Variants in OPRM1 observed in about 807,000 individuals in gnomAD.
OPRM1 encodes opioid receptor mu 1, also known as mu-type opioid receptor.
In OPRM1, 27 loss-of-function variants were observed where a neutral mutation model predicts 31.8. The ratio of observed to expected loss-of-function variants is 0.85; its 90% confidence interval spans 0.63 to 1.17. The LOEUF (loss-of-function observed/expected upper bound fraction) is 1.17, where lower values mean the gene tolerates loss of function less well. Ranked by LOEUF, OPRM1 falls within the 50% of genes most tolerant of loss-of-function variation. OPRM1 has a pLI of 0.00. For synonymous variants in OPRM1, 196 were observed against 189.9 expected (o/e 1.03, Z -0.26); for missense variants, 536 against 511.1 (o/e 1.05, Z -0.47).
At position 154,132,218 on chromosome 6, in the gene OPRM1, T is replaced by C. The variant is rs886602268; in HGVS notation, c.*13497T>C. Among the ~76,000 whole-genome samples, 1 of 152,190 alleles carries C rather than the reference T, an allele frequency of 6.6e-6. No homozygotes were observed. The highest frequency in any genetic ancestry group is 1.5e-5 in the Non-Finnish European group (1 of 68,024). On this transcript the variant is annotated 3_prime_UTR_variant, in exon 4 of 4. Coordinates refer to ENST00000330432, the MANE Select transcript of OPRM1 (RefSeq NM_000914.5). Reference sequence around the variant, plus strand: ...TTTGACTGTTTCAGATAGTTGTATATAAAAAATATAAATTTTTGCATTGTA... The same window carrying C: ...TTTGACTGTTTCAGATAGTTGTATACAAAAAATATAAATTTTTGCATTGTA...
upstream of OPRM1, among the ~76,000 whole-genome samples, chr6:154,034,369 C>T (rs1388726950): frequency 2.0e-5 from 3 of 152,108 alleles, no homozygotes; most frequent in Non-Finnish European, 2.9e-5. Context: ...ACGGTGAAAC[C>T]GCGTCTCTAC....
chr6:154,217,112 C>T, intron 3 of OPRM1: 1 of 162,828 alleles, frequency 6.1e-6, no homozygotes, highest in Non-Finnish European at 1.4e-5. Flanking sequence ...TGTACCATTC[C>T]AGCCTTCCAA....
At chr6:154,220,385 C>T (rs1030179915) in intron 3 of OPRM1, among the ~76,000 whole-genome samples, 4 of 152,170 alleles carry the variant, frequency 2.6e-5, no homozygotes, top group African/African-American at 4.8e-5. Context: ...TGACCAGGTG[C>T]GGTGGCTTAC....
At chr6:154,192,317 A>ACT (rs940505636) in intron 3 of OPRM1, among the ~76,000 whole-genome samples, 1 of 47,208 alleles carries the variant, frequency 2.1e-5, no homozygotes, top group Non-Finnish European at 4.1e-5. Flanking sequence ...CCACGTGGTT[A>ACT]CTGTGTGTGT....
chr6:154,144,534 G>C (rs1472845310), intron 3 of OPRM1, among the ~76,000 whole-genome samples: 1 of 152,032 alleles, frequency 6.6e-6, no homozygotes, highest in Non-Finnish European at 1.5e-5. Context: ...ATCACCCGAG[G>C]TCAGGAGTTC....
At chr6:154,100,029 T>TTATC (rs1201098929) in intron 3 of OPRM1, among the ~76,000 whole-genome samples, 56 of 102,240 alleles carry the variant, frequency 5.5e-4, no homozygotes, top group Non-Finnish European at 9.3e-4. Context: ...TAACATATTA[T>TTATC]ATATTATCAT....
intron 3 of OPRM1, among the ~76,000 whole-genome samples, chr6:154,149,801 G>A (rs1462308698): frequency 1.3e-5 from 2 of 152,136 alleles, no homozygotes; most frequent in African/African-American, 4.8e-5. Flanking sequence ...TACTACAGTA[G>A]TTCTGAATAC....
intron 1 of OPRM1, among the ~76,000 whole-genome samples, chr6:154,056,820 G>T (rs2128425772): frequency 6.6e-6 from 1 of 152,196 alleles, no homozygotes; most frequent in East Asian, 1.9e-4. Flanking sequence ...CATTGTGCCT[G>T]CCAAGAAGAA....
chr6:154,101,685 T>C (rs1160942436), intron 3 of OPRM1, among the ~76,000 whole-genome samples: 2 of 152,154 alleles, frequency 1.3e-5, no homozygotes, highest in Non-Finnish European at 2.9e-5. Flanking sequence ...TTCCTATAAA[T>C]GGAGAAATTG....
intron 3 of OPRM1, among the ~76,000 whole-genome samples, chr6:154,100,128 TGA>T (rs1491337950): frequency 1.2e-4 from 4 of 34,734 alleles, no homozygotes; most frequent in Admixed American, 7.4e-4. Flanking sequence ...TATCATATTA[TGA>T]CATATAATAT....
chr6:154,041,423 A>G (rs1780036922), intron 1 of OPRM1, among the ~76,000 whole-genome samples: 1 of 152,208 alleles, frequency 6.6e-6, no homozygotes, highest in African/African-American at 2.4e-5. Context: ...AATAAAAGTT[A>G]TAATTAAAGG....
In OPRM1 at chr6:154,097,623, C is replaced by T. The variant is rs560100053; in HGVS notation, c.1164+6151C>T. Among the ~76,000 whole-genome samples the T allele has an allele frequency of 6.9e-4, 104 of 150,186 alleles. 4 individuals are homozygous for T. The South Asian group carries it at 0.021, about 30-fold the overall frequency. On this transcript the variant is annotated intron_variant, in intron 3 of 3. Coordinates refer to ENST00000330432, the MANE Select transcript of OPRM1 (RefSeq NM_000914.5). ...TGTGTGTGTGTGCGTGTGATATAGG[C>T]ATGTCTCTTTTTGCATGTATGGAAT...
chr6:154,156,828 TC>T (rs1798736784), intron 3 of OPRM1: 1 of 152,164 alleles, frequency 6.6e-6, no homozygotes, highest in South Asian at 2.1e-4. Context: ...CACATCAGGC[TC>T]CGTTCTGGAT....
chr6:154,045,936 C>T lies in OPRM1; in HGVS notation c.290+6102C>T, dbSNP rs573446907. On this transcript the variant is annotated intron_variant, in intron 1 of 3. Coordinates refer to ENST00000330432, the MANE Select transcript of OPRM1 (RefSeq NM_000914.5). ...CAGAAGGCCCCGCCCACATTGTGAC[C>T]GTCTCAAAAACATGCCTCGTTTTCC... Among the ~76,000 whole-genome samples the T allele has an allele frequency of 1.1e-4, 17 of 152,276 alleles. No individual in the cohort carries two copies. The South Asian group carries it at 2.5e-3, about 22-fold the overall frequency.
At chr6:154,072,377 C>T (rs1318070084) in intron 1 of OPRM1, among the ~76,000 whole-genome samples, 2 of 152,158 alleles carry the variant, frequency 1.3e-5, no homozygotes, top group Non-Finnish European at 2.9e-5. Flanking sequence ...ATAATCATCA[C>T]ATATGTTACA....
intron 1 of OPRM1, among the ~76,000 whole-genome samples, chr6:154,088,816 T>C (rs1352291362): frequency 6.6e-6 from 1 of 152,228 alleles, no homozygotes; most frequent in African/African-American, 2.4e-5. Flanking sequence ...TGTACTGGCC[T>C]CTCTTCTTCC....
At chr6:154,010,884 A>G in exon 1 of OPRM1, 10 of 1,318,376 alleles carry the variant, frequency 7.6e-6, no homozygotes, top group Non-Finnish European at 7.9e-6. Context: ...AATAAATGTA[A>G]TTCTATGAGA....
rs148240172 is a variant in OPRM1, at chr6:154,115,338, G to A, written c.1165-3345G>A. 5.4e-3 allele frequency among the ~76,000 whole-genome samples: 826 copies of A among 152,140 alleles called. 8 individuals carry two copies. Among genetic ancestry groups the A allele is most frequent in the African/African-American group, 0.019 (795 of 41,498 alleles). ...GTAGATCGCTTGAGCTCAGGAGTTCGAGACCAGCCTGGGCAACATCGTGAA... is the reference window on the plus strand; with the variant it reads ...GTAGATCGCTTGAGCTCAGGAGTTCAAGACCAGCCTGGGCAACATCGTGAA... On this transcript the variant is annotated intron_variant, in intron 3 of 3. Transcript: ENST00000330432.
At chr6:154,097,674 A>G (rs1016774020) in intron 3 of OPRM1, among the ~76,000 whole-genome samples, 1 of 152,116 alleles carries the variant, frequency 6.6e-6, no homozygotes, top group African/African-American at 2.4e-5. Flanking sequence ...TTTAAAATTA[A>G]TATTTCATGC....
Sources: allele counts gnomAD v4.1 joint callset (sites outside exome capture counted in the v4.1 genomes callset), GRCh38; gene constraint gnomAD v4.1.1; transcripts MANE v1.5; gene names NCBI Gene and HGNC (gene_info 2026-07-23, HGNC 2026-07-21).